The following AGTPBP1 variants were observed in gnomAD, a reference collection of about 807,000 sequenced individuals.
AGTPBP1 encodes the protein ATP/GTP binding carboxypeptidase 1.
In AGTPBP1, 70 loss-of-function variants were observed where a neutral mutation model predicts 143.9. That is an observed-to-expected ratio of 0.49 (90% CI 0.40 to 0.59). The LOEUF (loss-of-function observed/expected upper bound fraction) is 0.59, where lower values mean the gene tolerates loss of function less well. AGTPBP1 is among the 20% of genes least tolerant of loss of function. The pLI is 0.00. For synonymous variants in AGTPBP1, 463 were observed against 500.2 expected (o/e 0.93, Z 0.99); for missense variants, 1,229 against 1,464.5 (o/e 0.84, Z 2.62).
intron 24 of AGTPBP1, among the ~76,000 whole-genome samples, chr9:85,578,111 T>G (rs1026547553): frequency 1.3e-5 from 2 of 152,216 alleles, no homozygotes; most frequent in African/African-American, 2.4e-5. Flanking sequence ...TTTTGCTCAT[T>G]GCTTATCTAA....
chr9:85,649,068 AT>A (rs1832990953), intron 11 of AGTPBP1, among the ~76,000 whole-genome samples: 1 of 152,178 alleles, frequency 6.6e-6, no homozygotes, highest in African/African-American at 2.4e-5. Context: ...AGTACCAATA[AT>A]TAACAATATT....
At chr9:85,563,418 C>A (rs148188203) in intron 25 of AGTPBP1, among the ~76,000 whole-genome samples, 15 of 152,150 alleles carry the variant, frequency 9.9e-5, no homozygotes, top group African/African-American at 3.4e-4. Context: ...GGTAGAAATA[C>A]GACAGTAAAG....
In AGTPBP1 at chr9:85,657,572, G is replaced by A. The variant is rs773782970; in HGVS notation, c.772C>T (p.Arg258Cys). The change falls in exon 10 of 26, where the codon CGC (arginine) becomes TGC (cysteine). Residue 258 changes from arginine to cysteine, a missense_variant. Transcript: ENST00000357081. ...ATGTTTCTATGCCGGTTATCATGGC[G>A]GTGCCAATCTACATAAATTGTTAAA... ...VLLTIYVDWH[R>C]HDNRHRNMLI... 1.1e-5 allele frequency: 17 copies of A among 1,613,760 alleles called. No individual in the cohort carries two copies. Among genetic ancestry groups the A allele is most frequent in the East Asian group, 8.9e-5 (4 of 44,868 alleles).
intron 13 of AGTPBP1, among the ~76,000 whole-genome samples, chr9:85,641,008 T>C (rs1475987557): frequency 1.3e-5 from 2 of 152,296 alleles, no homozygotes; most frequent in South Asian, 2.1e-4. Context: ...CATACCACCA[T>C]GGTCCATCCC....
intron 14 of AGTPBP1, among the ~76,000 whole-genome samples, 194 bp from the exon 15 acceptor site, chr9:85,621,479 G>A (rs1177005402): frequency 6.6e-6 from 1 of 150,582 alleles, no homozygotes; most frequent in East Asian, 1.9e-4. Flanking sequence ...CAGAATTTGA[G>A]TTCTAGAAAA....
intron 3 of AGTPBP1, among the ~76,000 whole-genome samples, chr9:85,688,140 T>G (rs1310425516): frequency 2.9e-5 from 3 of 103,814 alleles, no homozygotes; most frequent in African/African-American, 1.1e-4. Flanking sequence ...AAGAGCATAT[T>G]AAACTCAAAA....
chr9:85,692,794 T>A lies in AGTPBP1; in HGVS notation c.52A>T (p.Ile18Phe). ...PEKSLTNNSR[I>F]VGLLAQLEKI... ...TCCAGTTGAGCCAGGAGTCCTACGA[T>A]CCTAGAATTATTGGTAAGGCTAAAA... Residue 18 changes from isoleucine to phenylalanine, a missense_variant, in exon 3 of 26, where the codon ATC becomes TTC. Physicochemically the swap from Ile to Phe is conservative, Grantham distance 21. This residue lies in a region of AGTPBP1 where 743 missense variants were observed against 812.2 expected (regional missense o/e 0.91). Coordinates refer to ENST00000357081, the MANE Select transcript of AGTPBP1 (RefSeq NM_001330701.2). 2 of 1,613,728 alleles carry A rather than the reference T, an allele frequency of 1.2e-6. No homozygotes were observed. Among genetic ancestry groups the A allele is most frequent in the Non-Finnish European group, 1.7e-6 (2 of 1,179,884 alleles).
rs1258554347 is a variant in AGTPBP1, at chr9:85,579,637, A to C, written c.3166-541T>G. Among the ~76,000 whole-genome samples, 4 of 151,248 alleles carry C rather than the reference A, an allele frequency of 2.6e-5. No homozygotes were observed. In the East Asian group the frequency reaches 7.8e-4, roughly 29 times the overall value. The stretch of plus-strand genomic sequence containing the variant: ...GGGGGTGTAAGGCTATGACTAGAGA[A>C]ATAATCCAACATATCAAACTAGCTC... On this transcript the variant is annotated intron_variant, in intron 23 of 25. Coordinates refer to ENST00000357081, the MANE Select transcript of AGTPBP1 (RefSeq NM_001330701.2).
intron 17 of AGTPBP1, among the ~76,000 whole-genome samples, chr9:85,599,049 CT>C (rs1829483204): frequency 2.0e-5 from 3 of 151,182 alleles, no homozygotes; most frequent in Admixed American, 2.0e-4. Context: ...ACCACTTTTG[CT>C]TTATTTTAAT....
chr9:85,562,526 A>C (rs1268673533), intron 25 of AGTPBP1, among the ~76,000 whole-genome samples: 1 of 152,214 alleles, frequency 6.6e-6, no homozygotes, highest in Admixed American at 6.5e-5. Context: ...TTTCCAATTA[A>C]AATAATTTTA....
At chr9:85,677,097 G>T (rs978516880) in intron 6 of AGTPBP1, among the ~76,000 whole-genome samples, 1 of 152,116 alleles carries the variant, frequency 6.6e-6, no homozygotes, top group Non-Finnish European at 1.5e-5. Context: ...CATTTCAATA[G>T]AAGGAATAAC....
chr9:85,549,176 T>C (rs553866156), intron 25 of AGTPBP1, among the ~76,000 whole-genome samples: 1 of 152,262 alleles, frequency 6.6e-6, no homozygotes, highest in South Asian at 2.1e-4. Context: ...ATTTTCTTCC[T>C]GGAGACAGTC....
At chr9:85,766,535 G>A in the AGTPBP1 span, among the ~76,000 whole-genome samples, 3 of 152,096 alleles carry the variant, frequency 2.0e-5, no homozygotes, top group South Asian at 2.1e-4. Context: ...AACAAAAAAC[G>A]TTATTTACAG....
chr9:85,771,938 C>A, the AGTPBP1 span, among the ~76,000 whole-genome samples: 2 of 143,074 alleles, frequency 1.4e-5, no homozygotes, highest in East Asian at 4.3e-4. Context: ...GGATTACAGG[C>A]GTGAGCCACC....
chr9:85,548,687 G>T (rs7029834), intron 25 of AGTPBP1, among the ~76,000 whole-genome samples: 95,917 of 148,852 alleles, frequency 0.64, 32,213 homozygotes, highest in African/African-American at 0.84. Flanking sequence ...TTTTGTTTTT[G>T]TTTTTTGAGA....
intron 2 of AGTPBP1, among the ~76,000 whole-genome samples, chr9:85,700,779 C>T (rs1477033360): frequency 6.6e-6 from 1 of 152,150 alleles, no homozygotes; most frequent in Admixed American, 6.5e-5. Context: ...AGCCATTCTG[C>T]CACCCTTGAA....
intron 25 of AGTPBP1, among the ~76,000 whole-genome samples, chr9:85,551,653 A>G (rs528948257): frequency 6.6e-6 from 1 of 152,380 alleles, no homozygotes; most frequent in African/African-American, 2.4e-5. Context: ...ATTTTACTTT[A>G]GTGAACAAAC....
chr9:85,739,632 C>T (rs1431421794), intron 1 of AGTPBP1, among the ~76,000 whole-genome samples: 2 of 149,982 alleles, frequency 1.3e-5, no homozygotes, highest in African/African-American at 2.5e-5. Context: ...CGCTTGAACC[C>T]GGGAGGCAGA....
At chr9:85,677,262 A>T (rs1834884673) in intron 6 of AGTPBP1, among the ~76,000 whole-genome samples, 174 bp downstream of exon 6, 1 of 152,240 alleles carries the variant, frequency 6.6e-6, no homozygotes, top group Non-Finnish European at 1.5e-5. Context: ...TGATCATTAC[A>T]CATACATTTT....
Sources: gnomAD v4.1 joint callset for allele counts (sites outside exome capture counted in the v4.1 genomes callset) on GRCh38, gnomAD v4.1.1 for gene constraint, gnomAD v4.1.1 regional missense constraint, MANE v1.5 for transcripts, NCBI Gene and HGNC (gene_info 2026-07-23, HGNC 2026-07-21) for gene names.